NKAIN4: variants seen among roughly 807,000 people sequenced by gnomAD.
NKAIN4 encodes sodium/potassium transporting ATPase interacting 4.
In NKAIN4, 28 loss-of-function variants were observed where a neutral mutation model predicts 28.8. That is an observed-to-expected ratio of 0.97 (90% CI 0.72 to 1.33). The LOEUF (loss-of-function observed/expected upper bound fraction) is 1.33, where lower values mean the gene tolerates loss of function less well. Among genes scored for constraint, NKAIN4 ranks in the 40% most tolerant of loss-of-function variants. NKAIN4 has a pLI of 0.00. For missense variants in NKAIN4, 289 were observed against 277.2 expected, an observed-to-expected ratio of 1.04 and a Z score of -0.30; for synonymous variants, 122 against 115.6, an observed-to-expected ratio of 1.06 and a Z score of -0.36.
chr20:63,247,805 T>C (rs954141219), intron 3 of NKAIN4, 30 bp from the exon 4 acceptor site: 16 of 1,426,686 alleles, frequency 1.1e-5, no homozygotes, highest in Non-Finnish European at 1.5e-5. Context: ...GCAGGGCCGG[T>C]TAGCACCAGG....
intron 2 of NKAIN4, 56 bp downstream of exon 2, chr20:63,249,870 TGGGAGCCGC>T: frequency 6.6e-7 from 1 of 1,509,966 alleles, no homozygotes. Flanking sequence ...GATGGTGCCA[TGGGAGCCGC>T]CATCCTGGTC....
rs997735634 is a variant in NKAIN4 at position 63,252,805 on chromosome 20, T to C, written c.54+1592A>G. Among the ~76,000 whole-genome samples, 1 of 152,174 alleles carries C rather than the reference T, an allele frequency of 6.6e-6. No homozygotes were observed. Reference sequence around the variant, plus strand: ...CCTGCATGTGCGCCCATCTGTCTACTGTCCACCGCAGAGGTGAAACGGGAA... The same window carrying C: ...CCTGCATGTGCGCCCATCTGTCTACCGTCCACCGCAGAGGTGAAACGGGAA... On this transcript the variant is annotated intron_variant, in intron 1 of 6. Transcript: ENST00000370316. The surrounding 1 kb of genome is among the most constrained non-coding windows in gnomAD (Gnocchi z 4.6).
At position 63,245,879 on chromosome 20, in the gene NKAIN4, C is replaced by T. The variant is rs1601281497; in HGVS notation, c.471+1699G>A. ...TGCCCACTCCTCCAGCCTCGGCTCC[C>T]ATAGCACGCCAGCCCCCTCCGAGAG... On this transcript the variant is annotated intron_variant, in intron 4 of 6. Coordinates refer to ENST00000370316, the MANE Select transcript of NKAIN4 (RefSeq NM_152864.4). The surrounding 1 kb of genome is among the most constrained non-coding windows in gnomAD (Gnocchi z 4.7). Among the ~76,000 whole-genome samples the T allele has an allele frequency of 6.6e-6, 1 of 152,056 alleles. No individual in the cohort carries two copies. The highest frequency in any genetic ancestry group is 2.4e-5 in the African/African-American group (1 of 41,404).
chr20:63,242,285 C>G (rs2066768648), intron 6 of NKAIN4, among the ~76,000 whole-genome samples: 1 of 150,588 alleles, frequency 6.6e-6, no homozygotes, highest in South Asian at 2.1e-4. Context: ...GACCCAACCC[C>G]CTCCCACAGT....
chr20:63,254,204 G>T, intron 1 of NKAIN4, 193 bp downstream of exon 1: 1 of 463,116 alleles, frequency 2.2e-6, no homozygotes, highest in South Asian at 4.3e-5. Context: ...GGGACCCGGC[G>T]CCGCGACTCC....
chr20:63,251,500 C>T (rs985125720), intron 1 of NKAIN4, among the ~76,000 whole-genome samples: 6 of 152,166 alleles, frequency 3.9e-5, no homozygotes, highest in East Asian at 1.9e-4. Context: ...CGCTAGACCA[C>T]GGTCCGCTTG....
chr20:63,254,744 A>T (rs970645095), upstream of NKAIN4: 2 of 263,912 alleles, frequency 7.6e-6, no homozygotes, highest in Non-Finnish European at 1.4e-5. Context: ...GCCCCAGGAC[A>T]GACCTGCAGC....
Position 63,247,625 on chromosome 20 carries a change from G to A in NKAIN4, c.424C>T (p.Pro142Ser). The change falls in exon 4 of 7, where the codon CCC (proline) becomes TCC (serine). Residue 142 changes from proline to serine, a missense_variant. Transcript: ENST00000370316. ...LVSGAGCALE[P>S]SYVEALHSCL... Reference sequence around the variant, plus strand: ...CTGTGTAGGGCCTCCACATAGCTGGGCTCCAGGGCACAGCCAGCACCTGAC... The same window carrying A: ...CTGTGTAGGGCCTCCACATAGCTGGACTCCAGGGCACAGCCAGCACCTGAC... 1 of 1,547,686 alleles carries A rather than the reference G, an allele frequency of 6.5e-7. No individual in the cohort carries two copies. Among genetic ancestry groups the A allele is most frequent in the Non-Finnish European group, 8.7e-7 (1 of 1,145,482 alleles).
At position 63,250,155 on chromosome 20, in the gene NKAIN4, G is replaced by T. The variant is rs555772479; in HGVS notation, c.55-83C>A. 1.9e-5 allele frequency: 28 copies of T among 1,450,554 alleles called. No individual in the cohort carries two copies. The South Asian group carries it at 3.1e-4, about 16-fold the overall frequency. The allele number at this position is 1,450,554 out of a possible 1,614,324, so 89.9% of individuals were successfully genotyped here. A position where few individuals can be genotyped will look rare whatever the true frequency, so the allele number is the denominator to read the frequency against. On this transcript the variant is annotated intron_variant, in intron 1 of 6. Transcript: ENST00000370316. ...GCCAGGTACTGGGCCAAGGTGACAG[G>T]ATCTCAGCAGGGACTTCCTCCCCAC...
In NKAIN4 at chr20:63,248,847, AG is replaced by A; in HGVS notation, c.240del (p.Cys81AlafsTer10). The A allele has an allele frequency of 3.1e-6, 5 of 1,612,920 alleles. No homozygotes were observed. Among genetic ancestry groups the A allele is most frequent in the Non-Finnish European group, 4.2e-6 (5 of 1,179,862 alleles). Reference protein sequence around the residue: ...AVWVTWNVFIICFYLEVGGLL... With the variant: ...AVWVTWNVFIXCFYLEVGGLL... ...AGGCCACCGACTTCCAGGTAGAAGC[AG>A]ATGATGAAGACGTTCCAGGTGACCC... On this transcript the variant is annotated frameshift_variant, in exon 3 of 7. Transcript: ENST00000370316. LOFTEE classifies it high-confidence loss of function.
At chr20:63,248,662 G>A (rs2066902476) in intron 3 of NKAIN4, 153 bp downstream of exon 3, 1 of 628,804 alleles carries the variant, frequency 1.6e-6, no homozygotes, top group Non-Finnish European at 2.9e-6. Context: ...ACCAACTACA[G>A]ACCAGGGCTG....
chr20:63,248,759 G>C, intron 3 of NKAIN4, 56 bp downstream of exon 3: 1 of 1,175,652 alleles, frequency 8.5e-7, no homozygotes, highest in South Asian at 1.2e-5. Context: ...GTGTTACCAG[G>C]GGCCCGGCCC....
At chr20:63,246,967 C>T in intron 4 of NKAIN4, 1 of 990,524 alleles carries the variant, frequency 1.0e-6, no homozygotes, top group Non-Finnish European at 1.2e-6. Context: ...CTCTACCAAC[C>T]CGTGCAGGGC....
Position 63,245,337 on chromosome 20 carries a change from C to T in NKAIN4, c.472-1253G>A, listed in dbSNP as rs529132037. Among the ~76,000 whole-genome samples, 83 of 152,302 alleles carry T rather than the reference C, an allele frequency of 5.4e-4. No individual in the cohort carries two copies. The South Asian group carries it at 0.01, about 19-fold the overall frequency. On this transcript the variant is annotated intron_variant, in intron 4 of 6. Coordinates refer to ENST00000370316, the MANE Select transcript of NKAIN4 (RefSeq NM_152864.4). This position sits in a 1 kb window ranked among gnomAD's most constrained non-coding sequence, Gnocchi z 4.7. The stretch of plus-strand genomic sequence containing the variant: ...AACCTCCACGGCTCGTCCCCCTCCT[C>T]ACCCCAAAGGAGCCCAAGACGCCCC...
At chr20:63,254,562 C>T (rs1474490830), upstream of NKAIN4, 300 of 744,912 alleles carry the variant, frequency 4.0e-4, no homozygotes, top group Non-Finnish European at 4.5e-4. Flanking sequence ...CATCCCGTTC[C>T]CCCCTCCTCC....
chr20:63,249,031 A>G, intron 2 of NKAIN4, 136 bp from the exon 3 acceptor site: 1 of 656,962 alleles, frequency 1.5e-6, no homozygotes, highest in South Asian at 1.6e-5. Context: ...CGGCCCCCAG[A>G]TGCACAGCAT....
At chr20:63,242,389 T>G in intron 6 of NKAIN4, 150 bp downstream of exon 6, 1 of 698,346 alleles carries the variant, frequency 1.4e-6, no homozygotes, top group East Asian at 2.5e-5. Flanking sequence ...ATGAAGCAGA[T>G]GTTAGAAAAG....
intron 4 of NKAIN4, chr20:63,247,291 A>T: frequency 7.3e-7 from 1 of 1,362,360 alleles, no homozygotes. Context: ...TCTCGGCCTG[A>T]TCCGATTCCT....
Position 63,245,808 on chromosome 20 carries a change from C to G in NKAIN4, c.472-1724G>C, listed in dbSNP as rs916949924. On this transcript the variant is annotated intron_variant, in intron 4 of 6. Transcript: ENST00000370316. The surrounding 1 kb of genome is among the most constrained non-coding windows in gnomAD (Gnocchi z 4.7). Reference sequence around the variant, plus strand: ...CAAAGAAATTCCCATCCCTGGGAGTCAGGATAAAAGCCAACAGGAGGCCCC... The same window carrying G: ...CAAAGAAATTCCCATCCCTGGGAGTGAGGATAAAAGCCAACAGGAGGCCCC... Among the ~76,000 whole-genome samples, 1 of 152,114 alleles carries G rather than the reference C, an allele frequency of 6.6e-6. No homozygotes were observed. The highest frequency in any genetic ancestry group is 2.4e-5 in the African/African-American group (1 of 41,432).
Sources: allele counts gnomAD v4.1 joint callset (sites outside exome capture counted in the v4.1 genomes callset), GRCh38; gene constraint gnomAD v4.1.1; non-coding constraint Gnocchi (gnomAD v3.1); transcripts MANE v1.5; gene names NCBI Gene and HGNC (gene_info 2026-07-23, HGNC 2026-07-21).